The following PTPRD variants were observed in gnomAD, a reference collection of about 807,000 sequenced individuals.
PTPRD encodes the protein receptor-type tyrosine-protein phosphatase delta.
PTPRD carries 34 observed loss-of-function variants against 214.5 expected under a neutral mutation model. The observed-to-expected ratio is 0.16, with a 90% confidence interval of 0.12 to 0.21. The LOEUF is 0.21. PTPRD is among the 10% of genes least tolerant of loss of function. The pLI is 1.00. For missense variants in PTPRD, 2,545 were observed against 2,398.7 expected, an observed-to-expected ratio of 1.06 and a Z score of -1.27; for synonymous variants, 1,128 against 845.7, an observed-to-expected ratio of 1.33 and a Z score of -5.79.
At chr9:9,986,613 C>T (rs1364325629) in intron 4 of PTPRD, among the ~76,000 whole-genome samples, 1 of 151,936 alleles carries the variant, frequency 6.6e-6, no homozygotes, top group Non-Finnish European at 1.5e-5. Context: ...GCATATATTA[C>T]CTAAATTTTT....
intron 7 of PTPRD, among the ~76,000 whole-genome samples, chr9:9,679,198 G>T (rs948868781): frequency 6.7e-6 from 1 of 150,236 alleles, no homozygotes; most frequent in African/African-American, 2.4e-5. Flanking sequence ...GCACAAACGT[G>T]CCTTATCTTC....
chr9:10,155,810 G>A (rs987326744), intron 3 of PTPRD, among the ~76,000 whole-genome samples: 11 of 152,054 alleles, frequency 7.2e-5, no homozygotes, highest in African/African-American at 2.7e-4. Context: ...GGTTGTGGTG[G>A]ATAAGCTTTT....
chr9:8,713,477 A>G (rs891233079), intron 12 of PTPRD: 1 of 1,126,304 alleles, frequency 8.9e-7, no homozygotes, highest in East Asian at 2.4e-5. Flanking sequence ...AAAATGAAGA[A>G]GTCTTCAGGG....
At chr9:10,189,313 G>A (rs1001975754) in intron 3 of PTPRD, among the ~76,000 whole-genome samples, 3 of 152,122 alleles carry the variant, frequency 2.0e-5, no homozygotes, top group Admixed American at 2.0e-4. Context: ...ATAAACATAT[G>A]TGGAGTTGGT....
At chr9:9,333,073 G>A (rs767721583) in intron 9 of PTPRD, among the ~76,000 whole-genome samples, 1 of 151,874 alleles carries the variant, frequency 6.6e-6, no homozygotes, top group Non-Finnish European at 1.5e-5. Context: ...TGAGCTGTTC[G>A]GGAGGGACAT....
intron 3 of PTPRD, among the ~76,000 whole-genome samples, chr9:10,232,606 G>T (rs2099615430): frequency 1.3e-5 from 2 of 151,974 alleles, no homozygotes; most frequent in Non-Finnish European, 2.9e-5. Context: ...CCAGAGTCTT[G>T]TAATTACCTT....
chr9:8,578,045 A>G (rs2092650180), intron 14 of PTPRD, among the ~76,000 whole-genome samples: 1 of 152,214 alleles, frequency 6.6e-6, no homozygotes, highest in Non-Finnish European at 1.5e-5. Context: ...ATAAACTGGT[A>G]ATTAAAATTA....
Position 9,874,408 on chromosome 9 carries a change from T to C in PTPRD, c.-368+64099A>G, listed in dbSNP as rs138368436. Among the ~76,000 whole-genome samples, 183 of 152,236 alleles carry C rather than the reference T, an allele frequency of 1.2e-3. 1 individual carries two copies. The highest frequency in any genetic ancestry group is 4.2e-3 in the African/African-American group (174 of 41,510). ...TGTTATACAGGATATCAATATTATA[T>C]ACATTTGGGTCAGAAAGAAAGGAAC... On this transcript the variant is annotated intron_variant, in intron 5 of 45. Transcript: ENST00000381196.
chr9:9,399,172 G>A (rs770843214), intron 8 of PTPRD, among the ~76,000 whole-genome samples: 1 of 152,018 alleles, frequency 6.6e-6, no homozygotes, highest in Non-Finnish European at 1.5e-5. Context: ...CATATCAAGA[G>A]AAGGTATTAC....
intron 12 of PTPRD, among the ~76,000 whole-genome samples, chr9:8,667,254 G>A (rs902851215): frequency 5.3e-5 from 8 of 152,144 alleles, no homozygotes; most frequent in Admixed American, 1.3e-4. Flanking sequence ...CAGGAGTATC[G>A]CTTGAACACG....
intron 3 of PTPRD, among the ~76,000 whole-genome samples, chr9:10,096,582 G>T (rs1024834614): frequency 6.6e-6 from 1 of 151,712 alleles, no homozygotes; most frequent in Non-Finnish European, 1.5e-5. Context: ...TTTTTGATGG[G>T]GTTTTTTGTT....
intron 5 of PTPRD, among the ~76,000 whole-genome samples, chr9:9,836,265 G>A (rs546676063): frequency 3.5e-4 from 54 of 152,232 alleles, no homozygotes; most frequent in African/African-American, 1.2e-3. Context: ...GTTAACTTAA[G>A]GCTTATTTGA....
At chr9:10,488,981 G>C (rs2099150883) in intron 2 of PTPRD, among the ~76,000 whole-genome samples, 1 of 152,076 alleles carries the variant, frequency 6.6e-6, no homozygotes, top group Admixed American at 6.5e-5. Flanking sequence ...TAATGTGCAA[G>C]ACAAAGTTCC....
At chr9:8,858,796 A>ACACAC (rs2098019315) in intron 11 of PTPRD, among the ~76,000 whole-genome samples, 1 of 141,792 alleles carries the variant, frequency 7.1e-6, no homozygotes, top group Non-Finnish European at 1.5e-5. Context: ...TGAAGGAGGC[A>ACACAC]ACACACACAC....
At chr9:9,114,334 T>C (rs1268240567) in intron 10 of PTPRD, among the ~76,000 whole-genome samples, 2 of 152,134 alleles carry the variant, frequency 1.3e-5, no homozygotes, top group Non-Finnish European at 2.9e-5. Context: ...ATGTGCTGAA[T>C]TGTAAAATGA....
intron 10 of PTPRD, among the ~76,000 whole-genome samples, chr9:9,043,809 C>A (rs1158840591): frequency 2.0e-5 from 3 of 151,914 alleles, no homozygotes; most frequent in Non-Finnish European, 2.9e-5. Flanking sequence ...GAGGCTGAAG[C>A]AGGAGAATCG....
intron 7 of PTPRD, among the ~76,000 whole-genome samples, chr9:9,653,461 T>A (rs914997783): frequency 4.0e-5 from 5 of 126,242 alleles, no homozygotes; most frequent in African/African-American, 1.5e-4. Context: ...AACTTAAAAA[T>A]GAATATATTT....
At chr9:10,338,075 T>G (rs543535319) in intron 3 of PTPRD, among the ~76,000 whole-genome samples, 1 of 151,696 alleles carries the variant, frequency 6.6e-6, no homozygotes, top group Non-Finnish European at 1.5e-5. Flanking sequence ...CATATGAGCT[T>G]CATTCTATTT....
chr9:10,372,119 G>A (rs946825293), intron 2 of PTPRD, among the ~76,000 whole-genome samples: 9 of 151,942 alleles, frequency 5.9e-5, no homozygotes, highest in African/African-American at 1.9e-4. Flanking sequence ...AAGAAAGAAG[G>A]AGAAAGAGAA....
Sources: gnomAD v4.1 joint callset for allele counts (sites outside exome capture counted in the v4.1 genomes callset) on GRCh38, gnomAD v4.1.1 for gene constraint, MANE v1.5 for transcripts, NCBI Gene and HGNC (gene_info 2026-07-23, HGNC 2026-07-21) for gene names.